SYTL5: variants seen among roughly 807,000 people sequenced by gnomAD.
SYTL5 encodes the protein synaptotagmin like 5.
In SYTL5, 34 loss-of-function variants were observed where a neutral mutation model predicts 55.9. The observed-to-expected ratio is 0.61, with a 90% confidence interval of 0.46 to 0.81. The LOEUF is 0.81. SYTL5 is among the 30% of genes least tolerant of loss of function. The pLI, the probability that SYTL5 is intolerant of heterozygous loss-of-function variation, is 0.00. For missense variants in SYTL5, 637 were observed against 546.7 expected (o/e 1.17, Z -1.65); for synonymous variants, 221 against 188.7 (o/e 1.17, Z -1.40).
chrX:38,089,764 A>G (rs942731787), intron 7 of SYTL5, among the ~76,000 whole-genome samples, 177 bp downstream of exon 7: 1 of 112,230 alleles, frequency 8.9e-6, no homozygotes, highest in Non-Finnish European at 1.9e-5. Context: ...AAACACTTAT[A>G]AAACCATCAA....
At chrX:37,994,235 GC>G in the SYTL5 span, 3 of 112,386 alleles carry the variant, frequency 2.7e-5, no homozygotes, top group African/African-American at 9.7e-5. Flanking sequence ...CCAATGAGGG[GC>G]TGGAGCATAG....
At chrX:37,933,773 G>C in the SYTL5 span, among the ~76,000 whole-genome samples, 1 of 111,420 alleles carries the variant, frequency 9.0e-6, no homozygotes, top group Non-Finnish European at 1.9e-5. Context: ...ACATATATAG[G>C]GCTCTTTGCA....
At chrX:38,082,188 C>T (rs980560385) in intron 6 of SYTL5, among the ~76,000 whole-genome samples, 1 of 111,950 alleles carries the variant, frequency 8.9e-6, no homozygotes, top group Admixed American at 9.5e-5. Context: ...AAGCCTGAAG[C>T]CTCCTCCTTG....
chrX:38,084,805 C>T (rs1936630216), intron 6 of SYTL5, among the ~76,000 whole-genome samples: 1 of 111,551 alleles, frequency 9.0e-6, no homozygotes, highest in Non-Finnish European at 1.9e-5. Context: ...GCTCTCAGAA[C>T]ATGGAAGCAG....
chrX:38,096,957 C>A (rs2074905606), intron 9 of SYTL5, among the ~76,000 whole-genome samples: 1 of 111,202 alleles, frequency 9.0e-6, no homozygotes, highest in African/African-American at 3.2e-5. Flanking sequence ...TACTCATGTT[C>A]AACCTTTAAA....
At chrX:37,996,608 C>A in the SYTL5 span, among the ~76,000 whole-genome samples, 3 of 112,697 alleles carry the variant, frequency 2.7e-5, no homozygotes, top group African/African-American at 9.7e-5. Context: ...TGAAGATAGA[C>A]AAGCCCCAGA....
intron 1 of SYTL5, among the ~76,000 whole-genome samples, chrX:38,009,381 G>A (rs1172037614): frequency 8.9e-6 from 1 of 111,893 alleles, no homozygotes; most frequent in Non-Finnish European, 1.9e-5. Flanking sequence ...CATGATTGTA[G>A]CCAAACTCAC....
At chrX:37,889,486 T>C in the SYTL5 span, among the ~76,000 whole-genome samples, 1 of 111,886 alleles carries the variant, frequency 8.9e-6, no homozygotes, top group Admixed American at 9.5e-5. Context: ...ACAAATATCA[T>C]TAATCCTAAA....
At chrX:37,920,073 G>A in the SYTL5 span, among the ~76,000 whole-genome samples, 3 of 111,395 alleles carry the variant, frequency 2.7e-5, no homozygotes, top group African/African-American at 9.8e-5. Context: ...TTTACTGGGA[G>A]GATCAAAAGA....
intron 2 of SYTL5, among the ~76,000 whole-genome samples, chrX:38,040,565 T>G (rs994036764): frequency 9.2e-6 from 1 of 109,204 alleles, no homozygotes; most frequent in Non-Finnish European, 1.9e-5. Context: ...CACAAATAAG[T>G]GAGAACATGC....
At chrX:38,082,132 G>A (rs1936546094) in intron 6 of SYTL5, among the ~76,000 whole-genome samples, 1 of 112,006 alleles carries the variant, frequency 8.9e-6, no homozygotes, top group South Asian at 3.7e-4. Flanking sequence ...TGGAGGCTCA[G>A]TAATTCAGCC....
At chrX:38,042,500 G>A (rs903960286) in intron 2 of SYTL5, among the ~76,000 whole-genome samples, 2 of 111,200 alleles carry the variant, frequency 1.8e-5, no homozygotes, top group African/African-American at 6.6e-5. Flanking sequence ...GATGAACCTG[G>A]GCAGTTCAAA....
chrX:38,122,048 C>CT, intron 14 of SYTL5, 32 bp from the exon 15 acceptor site: 4 of 1,133,797 alleles, frequency 3.5e-6, no homozygotes, highest in Non-Finnish European at 4.7e-6. Flanking sequence ...TTCTCTTTCT[C>CT]CACCATTCCC....
chrX:37,929,345 G>T, the SYTL5 span, among the ~76,000 whole-genome samples: 7 of 111,187 alleles, frequency 6.3e-5, no homozygotes, highest in African/African-American at 2.3e-4. Flanking sequence ...AGAGGAAGGG[G>T]GTCAATATGA....
intron 1 of SYTL5, among the ~76,000 whole-genome samples, chrX:38,009,214 C>T (rs1406575503): frequency 8.9e-6 from 1 of 111,841 alleles, no homozygotes; most frequent in East Asian, 2.8e-4. Flanking sequence ...AGCCTATAAC[C>T]TATTACGTTT....
chrX:38,023,160 C>T lies in SYTL5; in HGVS notation c.-356-10374C>T, dbSNP rs760642311. Among the ~76,000 whole-genome samples, 9 of 112,220 alleles carry T rather than the reference C, an allele frequency of 8.0e-5. No homozygotes were observed. In the South Asian group the frequency reaches 2.6e-3, roughly 32 times the overall value. ...ACAAAACTATGATGCTGATGAACCA[C>T]GGTGGTGTCACCTAATTCACAGCAT... is the stretch of plus-strand genomic sequence containing the variant. On this transcript the variant is annotated intron_variant, in intron 1 of 16. Coordinates refer to ENST00000297875, the MANE Select transcript of SYTL5 (RefSeq NM_138780.3).
At chrX:38,055,988 AT>A (rs1020964988) in intron 3 of SYTL5, among the ~76,000 whole-genome samples, 7 of 111,555 alleles carry the variant, frequency 6.3e-5, no homozygotes, top group African/African-American at 2.3e-4. Context: ...TCTTTTAGTT[AT>A]TTTTAAATGT....
chrX:37,944,699 C>T, the SYTL5 span, among the ~76,000 whole-genome samples: 1 of 112,307 alleles, frequency 8.9e-6, no homozygotes, highest in African/African-American at 3.2e-5. Flanking sequence ...AATGCCCCAG[C>T]CACTCCTACC....
At chrX:38,076,017 T>C (rs1936381353) in intron 5 of SYTL5, among the ~76,000 whole-genome samples, 1 of 111,822 alleles carries the variant, frequency 8.9e-6, no homozygotes, top group Non-Finnish European at 1.9e-5. Context: ...AGAATAAATG[T>C]CATGGAAGAT....
Sources: gnomAD v4.1 joint callset for allele counts (sites outside exome capture counted in the v4.1 genomes callset) on GRCh38, gnomAD v4.1.1 for gene constraint, MANE v1.5 for transcripts, NCBI Gene and HGNC (gene_info 2026-07-23, HGNC 2026-07-21) for gene names.